The following METTL23 variants were observed in gnomAD, a reference collection of about 807,000 sequenced individuals.
The protein encoded by METTL23 is methyltransferase 23, arginine.
A neutral mutation model predicts 21.2 loss-of-function variants in METTL23; 24 were observed. The ratio of observed to expected loss-of-function variants is 1.13; its 90% CI spans 0.82 to 1.59. The LOEUF (loss-of-function observed/expected upper bound fraction) is 1.59. METTL23 is among the 40% of genes most tolerant of loss of function. The pLI, the probability that METTL23 is intolerant of heterozygous loss-of-function variation, is 0.00. For missense variants in METTL23, 276 were observed against 221.4 expected, an observed-to-expected ratio of 1.25 and a Z score of -1.57; for synonymous variants, 97 against 75.2, an observed-to-expected ratio of 1.29 and a Z score of -1.50.
chr17:76,733,858 A>G lies in METTL23; in HGVS notation c.*172A>G. 2.0e-6 allele frequency: 1 copy of G among 494,778 alleles called. No individual in the cohort carries two copies. The highest frequency in any genetic ancestry group is 3.2e-5 in the East Asian group (1 of 31,412). 30.6% of individuals were successfully genotyped at this position (494,778 alleles called of 1,614,324 possible). ...AACACTTAAACTCATATGAAACAAA[A>G]ATTAAAATACGTATTACAAGTACTT... is the stretch of plus-strand genomic sequence containing the variant. On this transcript the variant is annotated 3_prime_UTR_variant, in exon 5 of 5. Transcript: ENST00000341249.
In METTL23 at chr17:76,727,363, A is replaced by G. The variant is rs553956951; in HGVS notation, c.-22+185A>G. ...GGTGCATTAAATGTCTCTCAGTAAG[A>G]ATTTTGGAGACCCTGCCAAGAAGTG... On this transcript the variant is annotated intron_variant, in intron 1 of 4. Transcript: ENST00000341249. The G allele has an allele frequency of 2.8e-3, 894 of 320,506 alleles. 25 individuals are homozygous for G. Among genetic ancestry groups the G allele is most frequent in the South Asian group, 0.022 (877 of 40,204 alleles). The allele number at this position is 320,506 out of a possible 1,614,324, so 19.9% of individuals were successfully genotyped here. A position where few individuals can be genotyped will look rare whatever the true frequency, so the allele number is the denominator to read the frequency against.
Position 76,727,110 on chromosome 17 carries a change from C to T in METTL23, c.-90C>T, listed in dbSNP as rs181120012. On this transcript the variant is annotated 5_prime_UTR_variant, in exon 1 of 5. Transcript: ENST00000341249. ...CCGAGGACAGGGGGTCCGGGCCCAG[C>T]GCTTTCGATTCTCGGAGGAGCCGGG... 2.7e-3 allele frequency: 1,203 copies of T among 453,502 alleles called. 9 individuals carry two copies. Among genetic ancestry groups the T allele is most frequent in the South Asian group, 0.016 (999 of 64,428 alleles). 28.1% of individuals were successfully genotyped at this position (453,502 alleles called of 1,614,324 possible).
At chr17:76,726,378 T>C, upstream of METTL23, 1 of 1,601,194 alleles carries the variant, frequency 6.2e-7, no homozygotes, top group African/African-American at 1.4e-5. Context: ...CGAGAAGCTC[T>C]CGTAGTAGTT....
At position 76,733,063 on chromosome 17, in the gene METTL23, ACTGT is replaced by A. The variant is rs746453662; in HGVS notation, c.174_177del (p.Cys58TrpfsTer10). ...CTGTCAGACAGCTCAGAACTGCCTCACTGTCTGGAAGTCTGTCGGCAAAGCTGCC... is the reference window on the plus strand; with the variant it reads ...CTGTCAGACAGCTCAGAACTGCCTCACTGGAAGTCTGTCGGCAAAGCTGCC... On this transcript the variant is annotated frameshift_variant, in exon 3 of 5. Transcript: ENST00000341249. LOFTEE classifies it high-confidence loss of function. The A allele has an allele frequency of 6.5e-5, 104 of 1,606,928 alleles. No homozygotes were observed. The highest frequency in any genetic ancestry group is 8.9e-5 in the East Asian group (4 of 44,754).
chr17:76,732,828 T>C (rs1349538899), intron 2 of METTL23, 150 bp from the exon 3 acceptor site: 2 of 656,450 alleles, frequency 3.0e-6, no homozygotes, highest in Admixed American at 2.7e-5. Context: ...TTTATAGTAA[T>C]GTTCAGTTAC....
rs543763857 is a variant in METTL23, at chr17:76,726,997, C to G, written c.-203C>G. Reference sequence around the variant, plus strand: ...GCTACGGCCACGTGGCCCGCGGCTTCCCGCTCGCGCAGTCTGGCAGCCCGG... The same window carrying G: ...GCTACGGCCACGTGGCCCGCGGCTTGCCGCTCGCGCAGTCTGGCAGCCCGG... On this transcript the variant is annotated 5_prime_UTR_variant, in exon 1 of 5. Transcript: ENST00000341249. The G allele has an allele frequency of 8.5e-5, 39 of 456,286 alleles. No homozygotes were observed. The highest frequency in any genetic ancestry group is 1.5e-4 in the Non-Finnish European group (35 of 226,818). 28.3% of individuals were successfully genotyped at this position (456,286 alleles called of 1,614,324 possible). A position where few individuals can be genotyped will look rare whatever the true frequency, so the allele number is the denominator to read the frequency against.
rs1284695217 is a variant in METTL23 at position 76,733,337 on chromosome 17, A to C, written c.367A>C (p.Asn123His). The change falls in exon 4 of 5, where the codon AAT (asparagine) becomes CAT (histidine). Residue 123 changes from asparagine (N) to histidine (H), a missense_variant. Physicochemically the swap from Asn to His is moderately conservative, Grantham distance 68 (BLOSUM62 1). Transcript: ENST00000341249. ...LATIYFLMHK[N>H]PKVQLWSTYQ... ...TACAATATATTTTTTGATGCACAAG[A>C]ATCCCAAGGTCCAATTGTGGTCTAC... 6.2e-7 allele frequency: 1 copy of C among 1,613,870 alleles called. No individual in the cohort carries two copies. The highest frequency in any genetic ancestry group is 8.5e-7 in the Non-Finnish European group (1 of 1,179,894).
At chr17:76,729,940 GTTGTT>G in intron 2 of METTL23, 146 bp downstream of exon 2, 2 of 642,226 alleles carry the variant, frequency 3.1e-6, no homozygotes, top group South Asian at 4.1e-5. Flanking sequence ...AGCTAAGAAT[GTTGTT>G]TTGTTTTTGT....
chr17:76,728,416 T>TTTTTTTTTTTTTTTTTTTTTTTTTTG (rs1568008567), intron 1 of METTL23, among the ~76,000 whole-genome samples: 617 of 4,760 alleles, frequency 0.13, 35 homozygotes, highest in African/African-American at 0.24. Context: ...TCACGGATTT[T>TTTTTTTTTTTTTTTTTTTTTTTTTTG]TTTTTTTTTT....
At position 76,733,597 on chromosome 17, in the gene METTL23, G is replaced by A; in HGVS notation, c.484G>A (p.Ala162Thr). ...CVHIPLESFD[A>T]DKEDIAESTL... ...CCACATTCCTCTTGAGTCTTTTGAT[G>A]CAGACAAAGAAGATATAGCAGAATC... The change falls in exon 5 of 5, where the codon GCA becomes ACA. Residue 162 changes from alanine to threonine, a missense_variant. Ala to Thr is a moderately conservative substitution (Grantham distance 58). Coordinates refer to ENST00000341249, the MANE Select transcript of METTL23 (RefSeq NM_001080510.5). 6.2e-7 allele frequency: 1 copy of A among 1,613,802 alleles called. No homozygotes were observed. Among genetic ancestry groups the A allele is most frequent in the Non-Finnish European group, 8.5e-7 (1 of 1,179,836 alleles).
At chr17:76,733,434 C>G in intron 4 of METTL23, 57 bp downstream of exon 4, 1 of 1,596,790 alleles carries the variant, frequency 6.3e-7, no homozygotes, top group South Asian at 1.1e-5. Flanking sequence ...TCTACCCTAC[C>G]CATGCGATAC....
At chr17:76,730,688 C>G (rs1261635631) in intron 2 of METTL23, among the ~76,000 whole-genome samples, 1 of 152,242 alleles carries the variant, frequency 6.6e-6, no homozygotes, top group African/African-American at 2.4e-5. Context: ...ATGTCTCTTG[C>G]CGGGCGCTGT....
chr17:76,731,710 A>G (rs1401707351), intron 2 of METTL23, among the ~76,000 whole-genome samples: 1 of 152,232 alleles, frequency 6.6e-6, no homozygotes, highest in African/African-American at 2.4e-5. Context: ...ACCATACTTA[A>G]GACCAAAGGC....
Position 76,733,602 on chromosome 17 carries a change from CAAA to C in METTL23, c.490_492del (p.Lys164del). On this transcript the variant is annotated inframe_deletion, in exon 5 of 5. Transcript: ENST00000341249. ...TTCCTCTTGAGTCTTTTGATGCAGA[CAAA>C]GAAGATATAGCAGAATCTACCCTTC... 3.7e-6 allele frequency: 6 copies of C among 1,613,562 alleles called. No individual in the cohort carries two copies. The highest frequency in any genetic ancestry group is 5.1e-6 in the Non-Finnish European group (6 of 1,179,774).
At position 76,730,739 on chromosome 17, in the gene METTL23, G is replaced by A. The variant is rs568345404; in HGVS notation, c.84+945G>A. ...TCCCAGCACTTTGGGAGGCCAAGGC[G>A]GGCGGATTGCCTGAGGTCAGGAGTT... is the stretch of plus-strand genomic sequence containing the variant. On this transcript the variant is annotated intron_variant, in intron 2 of 4. Transcript: ENST00000341249. Among the ~76,000 whole-genome samples, 1,000 of 152,280 alleles carry A rather than the reference G, an allele frequency of 6.6e-3. 12 individuals are homozygous for A. Among genetic ancestry groups the A allele is most frequent in the African/African-American group, 0.022 (914 of 41,542 alleles).
rs1430401455 is a variant in METTL23, at chr17:76,729,677, A to C, written c.-21-13A>C. On this transcript the variant is annotated splice_polypyrimidine_tract_variant and intron_variant, in intron 1 of 4. Transcript: ENST00000341249. ...GCTAAATTATTTATGGCACACAAAAACATTCTTTTCAGGTCCTGCATCTCC... is the reference window on the plus strand; with the variant it reads ...GCTAAATTATTTATGGCACACAAAACCATTCTTTTCAGGTCCTGCATCTCC... 3 of 1,517,728 alleles carry C rather than the reference A, an allele frequency of 2.0e-6. No homozygotes were observed. In the African/African-American group the frequency reaches 4.1e-5, roughly 21 times the overall value. The allele number at this position is 1,517,728 out of a possible 1,614,324, so 94.0% of individuals were successfully genotyped here.
rs944639973 is a variant in METTL23, at chr17:76,730,899, C to G, written c.84+1105C>G. On this transcript the variant is annotated intron_variant, in intron 2 of 4. Coordinates refer to ENST00000341249, the MANE Select transcript of METTL23 (RefSeq NM_001080510.5). ...CGGGCGGATCACGAGGTCAGGAGAT[C>G]GAGACCATCCTGGCTAACACGGTGA... Among the ~76,000 whole-genome samples, 4 of 152,158 alleles carry G rather than the reference C, an allele frequency of 2.6e-5. 1 individual carries two copies. The highest frequency in any genetic ancestry group is 9.6e-5 in the African/African-American group (4 of 41,518).
chr17:76,733,115 G>A lies in METTL23; in HGVS notation c.222G>A (p.Leu74=). The A allele has an allele frequency of 6.2e-7, 1 of 1,613,532 alleles. No individual in the cohort carries two copies. Among genetic ancestry groups the A allele is most frequent in the South Asian group, 1.1e-5 (1 of 90,952 alleles). Residue 74 remains leucine, a synonymous_variant, in exon 3 of 5, where the codon CTG becomes CTA. Coordinates refer to ENST00000341249, the MANE Select transcript of METTL23 (RefSeq NM_001080510.5). ...QSCQMNNLPH[L]QVVGLTWGHI... is the part of the protein sequence containing the mutation. ...GCCAAATGAATAACCTGCCACATCT[G>A]CAGGTGGTAGGACTAACATGGGGTC...
At chr17:76,726,408 G>C (rs1490052400), upstream of METTL23, 14 of 1,605,396 alleles carry the variant, frequency 8.7e-6, no homozygotes, top group South Asian at 3.3e-5. Flanking sequence ...CCAATCCAGC[G>C]AGTCCTTGAG....
Sources: gnomAD v4.1 joint callset for allele counts (sites outside exome capture counted in the v4.1 genomes callset) on GRCh38, gnomAD v4.1.1 for gene constraint, MANE v1.5 for transcripts, NCBI Gene and HGNC (gene_info 2026-07-23, HGNC 2026-07-21) for gene names.